REV3L: variants seen among roughly 807,000 people sequenced by gnomAD.
REV3L encodes REV3 like, DNA directed polymerase zeta catalytic subunit, also known as DNA polymerase zeta catalytic subunit.
REV3L carries 69 observed loss-of-function variants against 299.4 expected under a neutral mutation model. The ratio of observed to expected loss-of-function variants is 0.23; its 90% confidence interval spans 0.19 to 0.28. The LOEUF is 0.28. REV3L is among the 10% of genes least tolerant of loss of function. REV3L has a pLI of 1.00. For synonymous variants in REV3L, 1,238 were observed against 1,271.4 expected (o/e 0.97, Z 0.56); for missense variants, 3,128 against 3,693.8 (o/e 0.85, Z 3.97).
At chr6:111,313,645 G>T (rs1773213956) in intron 27 of REV3L, 156 bp from the exon 28 acceptor site, 1 of 621,042 alleles carries the variant, frequency 1.6e-6, no homozygotes, top group Non-Finnish European at 2.6e-6. Context: ...ATAACACGTG[G>T]GAGCAAAATG....
chr6:111,396,032 TAA>T (rs1235226766), intron 4 of REV3L, among the ~76,000 whole-genome samples: 3 of 152,076 alleles, frequency 2.0e-5, no homozygotes, highest in East Asian at 1.9e-4. Context: ...ACCCCTGAAA[TAA>T]GTTTTTTTTT....
intron 14 of REV3L, 79 bp downstream of exon 14, chr6:111,367,015 CTTCATTTAAAAAGCTCTGATT>C: frequency 1.7e-5 from 17 of 1,015,124 alleles, no homozygotes; most frequent in Non-Finnish European, 2.2e-5. Context: ...TGAGCTATAC[CTTCATTTAAAAAGCTCTGATT>C]TTCATTACAG....
At chr6:111,424,621 C>T (rs1033510064) in intron 1 of REV3L, among the ~76,000 whole-genome samples, 1 of 152,172 alleles carries the variant, frequency 6.6e-6, no homozygotes, top group Admixed American at 6.5e-5. Flanking sequence ...TAAAAACCAG[C>T]AGCCAGGCAG....
intron 21 of REV3L, among the ~76,000 whole-genome samples, chr6:111,339,622 T>C (rs530265638): frequency 7.9e-5 from 12 of 152,288 alleles, no homozygotes; most frequent in African/African-American, 2.4e-4. Flanking sequence ...GGACATTTTA[T>C]CTTATACAGT....
intron 25 of REV3L, among the ~76,000 whole-genome samples, chr6:111,322,921 AG>A (rs1774345473): frequency 6.6e-6 from 1 of 152,168 alleles, no homozygotes; most frequent in South Asian, 2.1e-4. Flanking sequence ...TATAACAGTA[AG>A]TGGACTGCAC....
At chr6:111,449,229 G>A (rs950273519) in intron 1 of REV3L, among the ~76,000 whole-genome samples, 2 of 152,228 alleles carry the variant, frequency 1.3e-5, no homozygotes, top group East Asian at 1.9e-4. Flanking sequence ...CCTGAGAGAC[G>A]GGAAACAAAC....
At chr6:111,366,065 T>G (rs1779161310) in intron 14 of REV3L, among the ~76,000 whole-genome samples, 1 of 151,932 alleles carries the variant, frequency 6.6e-6, no homozygotes, top group East Asian at 1.9e-4. Flanking sequence ...GGGAATGAGG[T>G]GAGTGTTAAA....
intron 1 of REV3L, among the ~76,000 whole-genome samples, chr6:111,419,165 A>G (rs1785061801): frequency 6.6e-6 from 1 of 152,190 alleles, no homozygotes. Context: ...GTGCTCCTGC[A>G]GCTAGAGATG....
Position 111,416,421 on chromosome 6 carries a change from G to A in REV3L, c.191C>T (p.Pro64Leu). ...TGGCTGCTGTCCATAACCATCGTAT[G>A]GCACATAGAGGTAAGGAAAGATGCC... ...LHGIFPYLYV[P>L]YDGYGQQPES... Residue 64 changes from proline (P) to leucine (L), a missense_variant, in exon 2 of 32, where the codon CCA becomes CTA. Physicochemically the swap from Pro to Leu is moderately conservative, Grantham distance 98. Transcript: ENST00000368802. 1 of 1,613,760 alleles carries A rather than the reference G, an allele frequency of 6.2e-7. No individual in the cohort carries two copies. Among genetic ancestry groups the A allele is most frequent in the Non-Finnish European group, 8.5e-7 (1 of 1,179,788 alleles).
chr6:111,424,486 T>C (rs1785934152), intron 1 of REV3L, among the ~76,000 whole-genome samples: 1 of 152,246 alleles, frequency 6.6e-6, no homozygotes, highest in Non-Finnish European at 1.5e-5. Flanking sequence ...GCGTATTTAT[T>C]CAAGAACACC....
At chr6:111,335,240 GAATAT>G (rs1364423701) in intron 22 of REV3L, among the ~76,000 whole-genome samples, 1 of 151,990 alleles carries the variant, frequency 6.6e-6, no homozygotes, top group Non-Finnish European at 1.5e-5. Context: ...CAATATTCAG[GAATAT>G]TATATCCTTA....
intron 7 of REV3L, among the ~76,000 whole-genome samples, chr6:111,388,465 T>A (rs1380972149): frequency 6.6e-6 from 1 of 152,208 alleles, no homozygotes; most frequent in Non-Finnish European, 1.5e-5. Flanking sequence ...TAAGATATAA[T>A]AATTTTAATT....
chr6:111,308,350 C>T (rs767322881), intron 30 of REV3L: 1 of 435,354 alleles, frequency 2.3e-6, no homozygotes, highest in Non-Finnish European at 4.6e-6. Context: ...AGTTTCCTGC[C>T]TTAGAGCCAG....
intron 1 of REV3L, among the ~76,000 whole-genome samples, chr6:111,476,968 A>T (rs763829517): frequency 7.9e-5 from 12 of 152,204 alleles, no homozygotes; most frequent in Non-Finnish European, 1.6e-4. Context: ...TGTTATCTGT[A>T]AAAAATCTGA....
intron 1 of REV3L, among the ~76,000 whole-genome samples, chr6:111,451,202 T>C (rs1378769391): frequency 6.6e-6 from 1 of 151,978 alleles, no homozygotes; most frequent in African/African-American, 2.4e-5. Flanking sequence ...CAGAGCAGAG[T>C]TGAGTCTAGT....
At chr6:111,469,596 G>A (rs141821955) in intron 1 of REV3L, among the ~76,000 whole-genome samples, 2 of 152,090 alleles carry the variant, frequency 1.3e-5, no homozygotes, top group African/African-American at 4.8e-5. Context: ...GAAAATATAC[G>A]AGGCTTGCTG....
chr6:111,384,776 G>A (rs528911382), intron 9 of REV3L, among the ~76,000 whole-genome samples: 2 of 152,120 alleles, frequency 1.3e-5, no homozygotes, highest in South Asian at 2.1e-4. Context: ...TTGGTATGTC[G>A]AGTTGAAGAG....
Position 111,338,311 on chromosome 6 carries a change from CCTT to C in REV3L, c.7539-2704_7539-2702del, listed in dbSNP as rs1776119098. ...TTCTTTGTTTACTCCAGTCTAAAGT[CCTT>C]TTTTTTTTTTTTTTTTTTTTTTTTT... On this transcript the variant is annotated intron_variant, in intron 21 of 31. Coordinates refer to ENST00000368802, the MANE Select transcript of REV3L (RefSeq NM_001372078.1). Among the ~76,000 whole-genome samples the C allele has an allele frequency of 2.2e-3, 110 of 49,050 alleles. 2 individuals are homozygous for C. The highest frequency in any genetic ancestry group is 3.5e-3 in the Non-Finnish European group (102 of 28,852). The allele number at this position is 49,050 out of a possible 152,430, so 32.2% of individuals were successfully genotyped here.
intron 1 of REV3L, among the ~76,000 whole-genome samples, chr6:111,469,782 C>T (rs1020781340): frequency 5.9e-5 from 9 of 152,188 alleles, no homozygotes; most frequent in African/African-American, 7.2e-5. Flanking sequence ...CAGCCACATC[C>T]GCAAGGCCAG....
Sources: allele counts gnomAD v4.1 joint callset (sites outside exome capture counted in the v4.1 genomes callset), GRCh38; gene constraint gnomAD v4.1.1; transcripts MANE v1.5; gene names NCBI Gene and HGNC (gene_info 2026-07-23, HGNC 2026-07-21).